Variants in OSMR observed in about 807,000 individuals in gnomAD.
OSMR encodes the protein oncostatin M receptor.
Under a neutral mutation model 99.9 loss-of-function variants are expected in OSMR, and 81 were observed. That is an observed-to-expected ratio of 0.81 (90% CI 0.68 to 0.97). OSMR has a LOEUF of 0.97. Among genes scored for constraint, OSMR ranks in the 50% least tolerant of loss-of-function variants. The pLI is 0.00. For synonymous variants in OSMR, 406 were observed against 410.4 expected, an observed-to-expected ratio of 0.99 and a Z score of 0.13; for missense variants, 1,099 against 1,153.4, an observed-to-expected ratio of 0.95 and a Z score of 0.68.
At chr5:38,939,588 C>T (rs1311530881), downstream of OSMR, 1 of 231,310 alleles carries the variant, frequency 4.3e-6, no homozygotes, top group Non-Finnish European at 8.6e-6. Flanking sequence ...AGGCTGAAAT[C>T]TGTTCTTGAA....
intron 7 of OSMR, among the ~76,000 whole-genome samples, chr5:38,894,095 T>C (rs1744333174): frequency 6.6e-6 from 1 of 152,180 alleles, no homozygotes; most frequent in African/African-American, 2.4e-5. Flanking sequence ...TATGTGAAGG[T>C]AAAATAAAAT....
chr5:38,865,452 T>G (rs1376283385), intron 1 of OSMR, among the ~76,000 whole-genome samples: 1 of 152,202 alleles, frequency 6.6e-6, no homozygotes, highest in Non-Finnish European at 1.5e-5. Context: ...AGTGGTTAGG[T>G]TTTGATTCTG....
chr5:38,869,880 T>G (rs1201326066), intron 2 of OSMR, among the ~76,000 whole-genome samples: 1 of 152,230 alleles, frequency 6.6e-6, no homozygotes, highest in Non-Finnish European at 1.5e-5. Flanking sequence ...CTGTATTTAT[T>G]CTTTGCTGTA....
chr5:38,862,800 G>A (rs1159487858), intron 1 of OSMR, among the ~76,000 whole-genome samples: 2 of 152,158 alleles, frequency 1.3e-5, no homozygotes, highest in Admixed American at 1.3e-4. Context: ...CACTTTGGGA[G>A]GCCAAGGCAG....
At chr5:38,944,560 G>A in intron 2 of OSMR, 2 of 1,595,016 alleles carry the variant, frequency 1.3e-6, no homozygotes, top group Non-Finnish European at 1.7e-6. Flanking sequence ...ATCTGGAATT[G>A]TTTTAACACC....
chr5:38,904,546 A>C (rs1170071769), intron 9 of OSMR, 43 bp downstream of exon 9: 2 of 1,613,032 alleles, frequency 1.2e-6, no homozygotes, highest in Admixed American at 3.3e-5. Context: ...AGTAGGTCTT[A>C]GGAGTTAGAC....
At chr5:38,899,732 C>T (rs1744771928) in intron 7 of OSMR, among the ~76,000 whole-genome samples, 2 of 152,122 alleles carry the variant, frequency 1.3e-5, no homozygotes, top group South Asian at 4.1e-4. Context: ...ATGGGGGCCT[C>T]ATGACTCTGA....
At chr5:38,868,102 G>T (rs1321753254) in intron 1 of OSMR, among the ~76,000 whole-genome samples, 1 of 152,186 alleles carries the variant, frequency 6.6e-6, no homozygotes, top group Non-Finnish European at 1.5e-5. Context: ...AGAGTTCGTG[G>T]TCCATATTTA....
intron 1 of OSMR, chr5:38,943,325 A>G (rs932977753): frequency 1.8e-5 from 3 of 170,254 alleles, no homozygotes; most frequent in African/African-American, 7.2e-5. Flanking sequence ...AAGTTAAGTT[A>G]TTAACATCCC....
chr5:38,945,055 A>G (rs754109528), exon 3 of OSMR: 1 of 1,601,372 alleles, frequency 6.2e-7, no homozygotes, highest in South Asian at 1.1e-5. Flanking sequence ...CAGAATATGG[A>G]ATATCTTGAA....
At chr5:38,889,842 C>T (rs1266439201) in intron 7 of OSMR, among the ~76,000 whole-genome samples, 1 of 152,042 alleles carries the variant, frequency 6.6e-6, no homozygotes, top group Non-Finnish European at 1.5e-5. Flanking sequence ...TTTTCTTCTA[C>T]TTTCTTGGAT....
downstream of OSMR, chr5:38,938,182 G>A (rs1747173178): frequency 4.5e-6 from 1 of 220,406 alleles, no homozygotes; most frequent in Admixed American, 5.8e-5. Flanking sequence ...AGATTTCAAT[G>A]TCTGTTCAGT....
At chr5:38,928,281 T>A (rs946501854) in intron 15 of OSMR, among the ~76,000 whole-genome samples, 2 of 152,270 alleles carry the variant, frequency 1.3e-5, no homozygotes, top group African/African-American at 4.8e-5. Context: ...GCTTCCACAT[T>A]TTCGGGTATC....
chr5:38,921,275 C>A (rs1250456955), intron 11 of OSMR, among the ~76,000 whole-genome samples: 1 of 152,002 alleles, frequency 6.6e-6, no homozygotes, highest in Non-Finnish European at 1.5e-5. Flanking sequence ...TGTCTTAGAA[C>A]CATTCTTAGC....
chr5:38,881,537 C>T, intron 3 of OSMR, 56 bp from the exon 4 acceptor site: 1 of 1,613,696 alleles, frequency 6.2e-7, no homozygotes, highest in Non-Finnish European at 8.5e-7. Flanking sequence ...TCAAGTCAAG[C>T]TATTTTATAG....
intron 9 of OSMR, among the ~76,000 whole-genome samples, chr5:38,905,053 A>G (rs532824741): frequency 6.6e-6 from 1 of 152,328 alleles, no homozygotes; most frequent in South Asian, 2.1e-4. Flanking sequence ...AATGGGCCTC[A>G]GGAGATTTGA....
intron 1 of OSMR, among the ~76,000 whole-genome samples, chr5:38,861,074 G>T (rs1741248624): frequency 6.6e-6 from 1 of 152,008 alleles, no homozygotes. Context: ...TTATTCTGTT[G>T]TGGTTTGAGG....
intron 7 of OSMR, chr5:38,886,730 TATTC>T (rs1347472852): frequency 6.5e-6 from 1 of 152,672 alleles, no homozygotes; most frequent in Non-Finnish European, 1.5e-5. Flanking sequence ...TTAAATATTT[TATTC>T]ATGCATCCCC....
intron 1 of OSMR, chr5:38,943,262 AGGAT>A (rs767031622): frequency 2.5e-5 from 6 of 237,372 alleles, no homozygotes; most frequent in Non-Finnish European, 4.1e-5. Flanking sequence ...TTATCAGCCT[AGGAT>A]GATTAAAATA....
Sources: allele counts gnomAD v4.1 joint callset (sites outside exome capture counted in the v4.1 genomes callset), GRCh38; gene constraint gnomAD v4.1.1; transcripts MANE v1.5; gene names NCBI Gene and HGNC (gene_info 2026-07-23, HGNC 2026-07-21).